ANK3: variants seen among roughly 807,000 people sequenced by gnomAD.
ANK3 encodes ankyrin 3.
In ANK3, 57 loss-of-function variants were observed where a neutral mutation model predicts 370.9. The observed-to-expected ratio is 0.15, with a 90% CI of 0.12 to 0.19. The LOEUF (loss-of-function observed/expected upper bound fraction) is 0.19, where lower values mean the gene tolerates loss of function less well. Ranked by LOEUF, ANK3 falls within the 10% of genes least tolerant of loss-of-function variation. The pLI is 1.00. For synonymous variants in ANK3, 1,929 were observed against 1,946.3 expected (o/e 0.99, Z 0.23); for missense variants, 4,439 against 5,302.1 (o/e 0.84, Z 5.06).
chr10:60,199,738 C>A (rs575756975), intron 13 of ANK3, among the ~76,000 whole-genome samples: 2 of 151,450 alleles, frequency 1.3e-5, no homozygotes, highest in African/African-American at 4.8e-5. Flanking sequence ...TGGCTGTTGA[C>A]AGCTGACTTA....
rs151030876 is a variant in ANK3, at chr10:60,639,649, A to G, written c.58-24425T>C. 4.6e-3 allele frequency among the ~76,000 whole-genome samples: 704 copies of G among 152,086 alleles called. 6 individuals carry two copies. Among genetic ancestry groups the G allele is most frequent in the African/African-American group, 0.016 (663 of 41,560 alleles). ...TATATTAGAATTTGAATATATAATG[A>G]TATTAAATATACATAGAGCAATCCA... On this transcript the variant is annotated intron_variant, in intron 1 of 43. Coordinates refer to the ANK3 transcript ENST00000373827.
intron 17 of ANK3, among the ~76,000 whole-genome samples, chr10:60,184,038 A>G (rs752564813): frequency 6.6e-6 from 1 of 152,198 alleles, no homozygotes; most frequent in Admixed American, 6.5e-5. Context: ...TAGCACCTCA[A>G]CAATAACTTG....
At chr10:60,331,483 T>A (rs1423006649) in intron 1 of ANK3, among the ~76,000 whole-genome samples, 1 of 151,766 alleles carries the variant, frequency 6.6e-6, no homozygotes, top group Non-Finnish European at 1.5e-5. Flanking sequence ...CTTTAAAAAA[T>A]TTCGACAATG....
intron 1 of ANK3, among the ~76,000 whole-genome samples, chr10:60,374,832 T>A (rs2060551823): frequency 6.6e-6 from 1 of 152,180 alleles, no homozygotes; most frequent in Non-Finnish European, 1.5e-5. Flanking sequence ...CATAAAGTAA[T>A]ATGCTATAGA....
intron 1 of ANK3, among the ~76,000 whole-genome samples, chr10:60,664,404 A>G (rs991374884): frequency 2.6e-5 from 4 of 152,242 alleles, no homozygotes; most frequent in Non-Finnish European, 5.9e-5. Flanking sequence ...CCAAATAAAG[A>G]TATATATGTG....
chr10:60,635,763 C>T (rs534149497), intron 1 of ANK3, among the ~76,000 whole-genome samples: 1 of 151,802 alleles, frequency 6.6e-6, no homozygotes, highest in South Asian at 2.1e-4. Flanking sequence ...ATTAATAGTG[C>T]TTTAAACAAA....
At chr10:60,424,780 C>T (rs2063846544) in intron 2 of ANK3, among the ~76,000 whole-genome samples, 1 of 152,054 alleles carries the variant, frequency 6.6e-6, no homozygotes, top group African/African-American at 2.4e-5. Context: ...TAGGTTGATT[C>T]TATTCAACTG....
intron 1 of ANK3, among the ~76,000 whole-genome samples, chr10:60,689,668 C>T (rs565178885): frequency 1.6e-4 from 25 of 151,560 alleles, no homozygotes; most frequent in African/African-American, 6.1e-4. Context: ...AGGAGAATCG[C>T]CTGAACCCAG....
intron 2 of ANK3, among the ~76,000 whole-genome samples, chr10:60,548,350 C>T (rs946328616): frequency 6.6e-6 from 1 of 151,350 alleles, no homozygotes; most frequent in Non-Finnish European, 1.5e-5. Flanking sequence ...TGGCTGGGAT[C>T]ACAGGCACCC....
chr10:60,684,526 C>A lies in ANK3; in HGVS notation c.57+48737G>T, dbSNP rs563096503. ...GGAAATGGGGAATGGACTATCAGAC[C>A]AGACTTCTATCCTGTCCAGTCTGCC... On this transcript the variant is annotated intron_variant, in intron 1 of 43. Coordinates refer to the ANK3 transcript ENST00000373827. 2.6e-6 allele frequency: 4 copies of A among 1,544,232 alleles called. No homozygotes were observed. In the East Asian group the frequency reaches 9.2e-5, roughly 35 times the overall value.
intron 8 of ANK3, among the ~76,000 whole-genome samples, chr10:60,232,729 G>A (rs1402205947): frequency 6.6e-6 from 1 of 152,130 alleles, no homozygotes; most frequent in Non-Finnish European, 1.5e-5. Flanking sequence ...GCTGTCTTAG[G>A]GTCAAAGTAC....
At chr10:60,442,272 T>C (rs1033672765) in intron 2 of ANK3, among the ~76,000 whole-genome samples, 1 of 151,994 alleles carries the variant, frequency 6.6e-6, no homozygotes, top group Non-Finnish European at 1.5e-5. Context: ...ATTTTTGTAT[T>C]TTTAGTAGAG....
chr10:60,353,207 G>T (rs1566793124), intron 1 of ANK3, among the ~76,000 whole-genome samples: 1 of 147,944 alleles, frequency 6.8e-6, no homozygotes, highest in African/African-American at 2.5e-5. Flanking sequence ...TGCGCAGGCT[G>T]GTCTCAAACC....
chr10:60,135,001 T>C (rs2094268695), intron 24 of ANK3, among the ~76,000 whole-genome samples: 1 of 152,200 alleles, frequency 6.6e-6, no homozygotes, highest in Non-Finnish European at 1.5e-5. Context: ...TCTTTCTAGC[T>C]CCTCCAACTG....
intron 2 of ANK3, among the ~76,000 whole-genome samples, chr10:60,473,229 A>C (rs967193561): frequency 1.3e-5 from 2 of 152,222 alleles, no homozygotes; most frequent in African/African-American, 4.8e-5. Context: ...TCTGAAAGGA[A>C]ATGCCTAAAA....
chr10:60,104,253 T>C (rs977289605), intron 28 of ANK3, among the ~76,000 whole-genome samples: 1 of 149,172 alleles, frequency 6.7e-6, no homozygotes, highest in Non-Finnish European at 1.5e-5. Flanking sequence ...AGCCTTAGTT[T>C]AGGCTGAGGG....
intron 43 of ANK3, among the ~76,000 whole-genome samples, chr10:60,031,259 G>T (rs1026441958): frequency 6.6e-6 from 1 of 152,144 alleles, no homozygotes; most frequent in African/African-American, 2.4e-5. Flanking sequence ...GTCCATGTCA[G>T]TCATAATGGG....
At chr10:60,180,646 A>AAAT (rs1403764181) in intron 18 of ANK3, among the ~76,000 whole-genome samples, 2 of 150,306 alleles carry the variant, frequency 1.3e-5, no homozygotes, top group Non-Finnish European at 3.0e-5. Flanking sequence ...TAGATGACAC[A>AAAT]AATGACACAA....
At chr10:60,436,889 G>C (rs2064172763) in intron 2 of ANK3, among the ~76,000 whole-genome samples, 1 of 152,194 alleles carries the variant, frequency 6.6e-6, no homozygotes, top group Non-Finnish European at 1.5e-5. Flanking sequence ...TATTGTGGTG[G>C]ATTTAAACAG....
Sources: allele counts gnomAD v4.1 joint callset (sites outside exome capture counted in the v4.1 genomes callset), GRCh38; gene constraint gnomAD v4.1.1; transcripts MANE v1.5; gene names NCBI Gene and HGNC (gene_info 2026-07-23, HGNC 2026-07-21).